The following DRG1 variants were observed in gnomAD, a reference collection of about 807,000 sequenced individuals.
DRG1 encodes developmentally regulated GTP binding protein 1, also known as developmentally-regulated GTP-binding protein 1.
In DRG1, 19 loss-of-function variants were observed where a neutral mutation model predicts 38.8. That is an observed-to-expected ratio of 0.49 (90% CI 0.34 to 0.72). DRG1 has a LOEUF of 0.72. Ranked by LOEUF, DRG1 falls within the 30% of genes least tolerant of loss-of-function variation. DRG1 has a pLI of 0.01. For synonymous variants in DRG1, 167 were observed against 157.5 expected, an observed-to-expected ratio of 1.06 and a Z score of -0.45; for missense variants, 299 against 444.8, an observed-to-expected ratio of 0.67 and a Z score of 2.95.
At position 31,403,216 on chromosome 22, in the gene DRG1, C is replaced by G; in HGVS notation, c.342+12C>G. The G allele has an allele frequency of 1.3e-6, 2 of 1,593,946 alleles. No individual in the cohort carries two copies. The highest frequency in any genetic ancestry group is 1.7e-6 in the Non-Finnish European group (2 of 1,171,044). Reference sequence around the variant, plus strand: ...GTGCCAAGATCCAGGTGAGTCAAGCCTGCAGACTAAGGAAGGAAAGAAATC... The same window carrying G: ...GTGCCAAGATCCAGGTGAGTCAAGCGTGCAGACTAAGGAAGGAAAGAAATC... On this transcript the variant is annotated intron_variant, in intron 3 of 8. Coordinates refer to ENST00000331457, the MANE Select transcript of DRG1 (RefSeq NM_004147.4).
intron 6 of DRG1, among the ~76,000 whole-genome samples, chr22:31,424,394 G>A (rs1270427650): frequency 6.6e-6 from 1 of 150,956 alleles, no homozygotes; most frequent in Non-Finnish European, 1.5e-5. Context: ...CAAGTGATCC[G>A]CCTGCCTTGG....
intron 6 of DRG1, among the ~76,000 whole-genome samples, chr22:31,425,615 A>G (rs1021090489): frequency 5.3e-5 from 8 of 151,636 alleles, no homozygotes; most frequent in Non-Finnish European, 1.2e-4. Flanking sequence ...TAATTTTTGT[A>G]TTTTTTGTAG....
rs190368221 is a variant in DRG1, at chr22:31,410,316, G to A, written c.343-696G>A. Among the ~76,000 whole-genome samples, 15 of 151,452 alleles carry A rather than the reference G, an allele frequency of 9.9e-5. No individual in the cohort carries two copies. In the East Asian group the frequency reaches 2.8e-3, roughly 28 times the overall value. ...CTAAAAATACAAAAATTAGCTGGGC[G>A]TGGTGGCGTGCACCTGTAGTCCCAG... On this transcript the variant is annotated intron_variant, in intron 3 of 8. Coordinates refer to ENST00000331457, the MANE Select transcript of DRG1 (RefSeq NM_004147.4).
chr22:31,421,094 A>G (rs955904408), intron 5 of DRG1, among the ~76,000 whole-genome samples: 4 of 151,940 alleles, frequency 2.6e-5, no homozygotes, highest in Non-Finnish European at 5.9e-5. Flanking sequence ...TAACTTTTGT[A>G]TTTTTAGTAG....
At chr22:31,431,019 T>TCCCCCCCCCCC (rs10570678) in intron 8 of DRG1, among the ~76,000 whole-genome samples, 1 of 81,018 alleles carries the variant, frequency 1.2e-5, no homozygotes, top group Non-Finnish European at 2.2e-5. Context: ...CACCCGGCCT[T>TCCCCCCCCCCC]CCCCCCCCCC....
rs1311259567 is a variant in DRG1, at chr22:31,414,981, G to GT, written c.412+3902dup. ...TTTTGAGAGACAGTCTCACTATGTT[G>GT]TTCAGGGTGGTCTCGAAAACCCCGG... On this transcript the variant is annotated intron_variant, in intron 4 of 8. Coordinates refer to ENST00000331457, the MANE Select transcript of DRG1 (RefSeq NM_004147.4). Among the ~76,000 whole-genome samples the GT allele has an allele frequency of 7.2e-5, 11 of 152,020 alleles. No individual in the cohort carries two copies. In the South Asian group the frequency reaches 2.1e-3, roughly 29 times the overall value.
At chr22:31,420,780 G>A (rs2050072629) in intron 5 of DRG1, among the ~76,000 whole-genome samples, 1 of 152,114 alleles carries the variant, frequency 6.6e-6, no homozygotes, top group Admixed American at 6.6e-5. Context: ...TTTAGGCTCT[G>A]GGCAGGAATG....
chr22:31,409,283 C>T (rs1217208936), intron 3 of DRG1, among the ~76,000 whole-genome samples: 1 of 152,028 alleles, frequency 6.6e-6, no homozygotes, highest in Non-Finnish European at 1.5e-5. Context: ...CGGGGTTTCA[C>T]CATGTTGGCT....
chr22:31,402,908 C>T, intron 2 of DRG1, 121 bp from the exon 3 acceptor site: 2 of 1,124,078 alleles, frequency 1.8e-6, no homozygotes, highest in Non-Finnish European at 2.5e-6. Context: ...TAAAGGTAAA[C>T]CATAAAAAGT....
Position 31,400,677 on chromosome 22 carries a change from C to G in DRG1, c.100C>G (p.Arg34Gly), listed in dbSNP as rs28369552. The change falls in exon 2 of 9, where the codon CGT becomes GGT. Residue 34 changes from arginine to glycine, a missense_variant. Arg to Gly is a moderately radical substitution (Grantham distance 125). Transcript: ENST00000331457. ...ACACCACTTAGGGCTGCTTAAGGCT[C>G]GTCTTGCTAAGCTTCGTCGAGAACT... ...TAHHLGLLKARLAKLRRELIT... is the reference protein window; with the variant it reads ...TAHHLGLLKAGLAKLRRELIT... The G allele has an allele frequency of 1.9e-6, 3 of 1,613,412 alleles. No individual in the cohort carries two copies. The highest frequency in any genetic ancestry group is 2.5e-6 in the Non-Finnish European group (3 of 1,179,644).
At chr22:31,416,564 G>T (rs1240606174) in intron 4 of DRG1, among the ~76,000 whole-genome samples, 1 of 152,062 alleles carries the variant, frequency 6.6e-6, no homozygotes, top group African/African-American at 2.4e-5. Context: ...AGACCAGCCT[G>T]GCCAACGTGG....
At chr22:31,414,115 T>G (rs1216452159) in intron 4 of DRG1, among the ~76,000 whole-genome samples, 2 of 152,196 alleles carry the variant, frequency 1.3e-5, no homozygotes, top group Non-Finnish European at 2.9e-5. Flanking sequence ...ACTCTTTAAA[T>G]GTGGATTGCC....
At chr22:31,406,429 T>C (rs758773389) in intron 3 of DRG1, among the ~76,000 whole-genome samples, 8 of 152,232 alleles carry the variant, frequency 5.3e-5, no homozygotes, top group Non-Finnish European at 8.8e-5. Flanking sequence ...TTTGCATTCA[T>C]GTTGGTGAGC....
At chr22:31,418,513 A>ATTTTT (rs34122959) in intron 4 of DRG1, among the ~76,000 whole-genome samples, 1 of 147,918 alleles carries the variant, frequency 6.8e-6, no homozygotes. Context: ...GAAGCAGAAT[A>ATTTTT]TTTTTTTTTT....
intron 4 of DRG1, among the ~76,000 whole-genome samples, chr22:31,415,011 G>C (rs1272126851): frequency 6.6e-6 from 1 of 152,038 alleles, no homozygotes; most frequent in African/African-American, 2.4e-5. Flanking sequence ...CCCCGGGCTC[G>C]AGAGTCTCTC....
At chr22:31,413,323 G>C (rs1349639720) in intron 4 of DRG1, among the ~76,000 whole-genome samples, 1 of 151,626 alleles carries the variant, frequency 6.6e-6, no homozygotes, top group African/African-American at 2.4e-5. Context: ...TTGAGCCCCT[G>C]GGCTCAGTGA....
At chr22:31,433,427 TGCCCA>T (rs2050152532) in intron 8 of DRG1, among the ~76,000 whole-genome samples, 1 of 151,974 alleles carries the variant, frequency 6.6e-6, no homozygotes, top group African/African-American at 2.4e-5. Flanking sequence ...CCCGCCACCA[TGCCCA>T]GCTAATTTTT....
intron 3 of DRG1, among the ~76,000 whole-genome samples, chr22:31,405,534 G>C (rs1056855965): frequency 1.3e-5 from 2 of 151,880 alleles, no homozygotes; most frequent in African/African-American, 4.8e-5. Context: ...TTTTCCCTCA[G>C]TTTATTCATT....
rs961921597 is a variant in DRG1 at position 31,420,411 on chromosome 22, A to C, written c.568A>C (p.Asn190His). 1 of 1,614,174 alleles carries C rather than the reference A, an allele frequency of 6.2e-7. No homozygotes were observed. ...GFKKKDKGGI[N>H]LTATCPQSEL... The stretch of plus-strand genomic sequence containing the variant: ...TAAGAAGAAGGACAAGGGAGGCATT[A>C]ATCTCACAGCCACTGTAAGTGGGGA... Residue 190 changes from asparagine to histidine, a missense_variant, in exon 5 of 9, where the codon AAT becomes CAT. By Grantham distance (68) the Asn-to-His change is moderately conservative. Transcript: ENST00000331457.
Sources: allele counts gnomAD v4.1 joint callset (sites outside exome capture counted in the v4.1 genomes callset), GRCh38; gene constraint gnomAD v4.1.1; transcripts MANE v1.5; gene names NCBI Gene and HGNC (gene_info 2026-07-23, HGNC 2026-07-21).